The following GRID1 variants were observed in gnomAD, a reference collection of about 807,000 sequenced individuals.
GRID1 encodes the protein glutamate ionotropic receptor delta type subunit 1, also known as glutamate receptor ionotropic, delta-1.
In GRID1, 28 loss-of-function variants were observed where a neutral mutation model predicts 98.0. That is an observed-to-expected ratio of 0.29 (90% CI 0.21 to 0.39). The LOEUF (loss-of-function observed/expected upper bound fraction) is 0.39, where lower values mean the gene tolerates loss of function less well. Ranked by LOEUF, GRID1 falls within the 10% of genes least tolerant of loss-of-function variation. The pLI is 1.00. For missense variants in GRID1, 1,111 were observed against 1,340.5 expected, an observed-to-expected ratio of 0.83 and a Z score of 2.67; for synonymous variants, 553 against 538.5, an observed-to-expected ratio of 1.03 and a Z score of -0.37.
intron 8 of GRID1, among the ~76,000 whole-genome samples, chr10:85,762,831 G>A (rs1454606294): frequency 6.6e-6 from 1 of 152,196 alleles, no homozygotes; most frequent in Non-Finnish European, 1.5e-5. Flanking sequence ...GACTTGTCAG[G>A]TGCCTGATAC....
chr10:85,732,624 C>A (rs1326565864), intron 8 of GRID1, among the ~76,000 whole-genome samples: 2 of 152,160 alleles, frequency 1.3e-5, no homozygotes, highest in Non-Finnish European at 1.5e-5. Context: ...CCCCCTAGAC[C>A]TTTGCAACAG....
At chr10:85,768,739 T>A (rs1842222991) in intron 8 of GRID1, among the ~76,000 whole-genome samples, 1 of 152,226 alleles carries the variant, frequency 6.6e-6, no homozygotes, top group African/African-American at 2.4e-5. Context: ...GGTAAAGCAC[T>A]GCAGTAACAA....
chr10:85,709,332 T>C (rs566667650), intron 12 of GRID1, among the ~76,000 whole-genome samples: 2 of 152,342 alleles, frequency 1.3e-5, no homozygotes, highest in East Asian at 3.9e-4. Context: ...TAATTGTAGA[T>C]GGAAATCAGT....
chr10:85,645,144 G>T (rs1467468476), intron 13 of GRID1, among the ~76,000 whole-genome samples: 1 of 151,828 alleles, frequency 6.6e-6, no homozygotes. Flanking sequence ...AAAGTCAAAA[G>T]TAGCTATCTT....
At chr10:86,347,015 C>T (rs772059075) in intron 2 of GRID1, among the ~76,000 whole-genome samples, 4 of 152,118 alleles carry the variant, frequency 2.6e-5, no homozygotes, top group Non-Finnish European at 5.9e-5. Context: ...TGTCATCCTG[C>T]GGGCTGGCAC....
chr10:85,682,321 G>A (rs1841219550), intron 12 of GRID1, among the ~76,000 whole-genome samples: 1 of 152,218 alleles, frequency 6.6e-6, no homozygotes, highest in Non-Finnish European at 1.5e-5. Context: ...TATGAGATTT[G>A]TTTGTAAGAC....
chr10:86,236,676 C>A (rs139623878), intron 2 of GRID1, among the ~76,000 whole-genome samples: 1,529 of 152,314 alleles, frequency 0.01, 72 homozygotes, highest in Admixed American at 0.088. Context: ...CAGGCAGGAC[C>A]CATTACGGGA....
At chr10:86,178,765 G>T (rs919164628) in intron 3 of GRID1, among the ~76,000 whole-genome samples, 1 of 152,082 alleles carries the variant, frequency 6.6e-6, no homozygotes, top group Non-Finnish European at 1.5e-5. Context: ...CTGAACCCAT[G>T]GTTTCTCCCC....
At chr10:86,277,434 CTTGAA>C (rs1160572430) in intron 2 of GRID1, among the ~76,000 whole-genome samples, 5 of 152,062 alleles carry the variant, frequency 3.3e-5, no homozygotes, top group Non-Finnish European at 7.4e-5. Flanking sequence ...AAAAGCCATT[CTTGAA>C]TTTTTAGTTT....
Position 85,600,641 on chromosome 10 carries a change from G to T in GRID1, c.*1632C>A, listed in dbSNP as rs1021414616. ...GTGGGCTGTGTATTCCATTCTGACG[G>T]GTCTGGAGATCAGACTAACCTTTGT... On this transcript the variant is annotated 3_prime_UTR_variant, in exon 16 of 16. Transcript: ENST00000327946. The T allele has an allele frequency of 2.0e-5, 3 of 152,198 alleles. No individual in the cohort carries two copies. Among genetic ancestry groups the T allele is most frequent in the Non-Finnish European group, 2.9e-5 (2 of 68,054 alleles). 9.4% of individuals were successfully genotyped at this position (152,198 alleles called of 1,614,324 possible).
chr10:86,067,108 C>G (rs1166017985), intron 4 of GRID1, among the ~76,000 whole-genome samples: 1 of 152,204 alleles, frequency 6.6e-6, no homozygotes, highest in African/African-American at 2.4e-5. Context: ...ATGCCTTCGC[C>G]ATCTAATGTT....
chr10:85,878,718 A>G (rs1450941627), intron 5 of GRID1, among the ~76,000 whole-genome samples: 3 of 152,178 alleles, frequency 2.0e-5, no homozygotes, highest in Non-Finnish European at 4.4e-5. Context: ...TCAACTAACG[A>G]GCAAAATAAC....
intron 4 of GRID1, among the ~76,000 whole-genome samples, chr10:86,026,844 T>C (rs1014812193): frequency 6.6e-6 from 1 of 152,178 alleles, no homozygotes; most frequent in Non-Finnish European, 1.5e-5. Context: ...TGAATCCCAG[T>C]TCAGCACATG....
chr10:86,278,300 G>A (rs1164809612), intron 2 of GRID1, among the ~76,000 whole-genome samples: 1 of 152,134 alleles, frequency 6.6e-6, no homozygotes, highest in African/African-American at 2.4e-5. Flanking sequence ...ACTGTAAGAA[G>A]AGATAAAGTT....
At chr10:85,903,954 C>G (rs985316751) in intron 5 of GRID1, among the ~76,000 whole-genome samples, 34 of 152,192 alleles carry the variant, frequency 2.2e-4, no homozygotes, top group Admixed American at 1.3e-3. Flanking sequence ...ATTCCTTCTC[C>G]CAACAGATTT....
intron 4 of GRID1, among the ~76,000 whole-genome samples, chr10:86,136,304 G>A (rs1844923961): frequency 6.6e-6 from 1 of 152,144 alleles, no homozygotes; most frequent in South Asian, 2.1e-4. Flanking sequence ...AATGCTTTGC[G>A]TATAAGCACC....
intron 2 of GRID1, among the ~76,000 whole-genome samples, chr10:86,233,933 G>C (rs1253710194): frequency 1.3e-5 from 2 of 150,678 alleles, no homozygotes; most frequent in African/African-American, 4.9e-5. Flanking sequence ...AGGGTGGAGA[G>C]GGGGTGGGGG....
At chr10:85,766,357 G>T (rs572112216) in intron 8 of GRID1, among the ~76,000 whole-genome samples, 1 of 152,288 alleles carries the variant, frequency 6.6e-6, no homozygotes, top group South Asian at 2.1e-4. Context: ...GGGGTGGCAT[G>T]TGCCTGTTGT....
intron 12 of GRID1, among the ~76,000 whole-genome samples, chr10:85,716,065 C>T (rs1257127252): frequency 6.6e-6 from 1 of 152,070 alleles, no homozygotes; most frequent in Non-Finnish European, 1.5e-5. Flanking sequence ...CGCCACCATG[C>T]CTGGCTGCTT....
Sources: allele counts gnomAD v4.1 joint callset (sites outside exome capture counted in the v4.1 genomes callset), GRCh38; gene constraint gnomAD v4.1.1; transcripts MANE v1.5; gene names NCBI Gene and HGNC (gene_info 2026-07-23, HGNC 2026-07-21).